PLA2G4E: variants seen among roughly 807,000 people sequenced by gnomAD.
PLA2G4E encodes cytosolic phospholipase A2 epsilon.
Under a neutral mutation model 109.1 loss-of-function variants are expected in PLA2G4E, and 84 were observed. The ratio of observed to expected loss-of-function variants is 0.77; its 90% CI spans 0.65 to 0.92. The LOEUF (loss-of-function observed/expected upper bound fraction) is 0.92, where lower values mean the gene tolerates loss of function less well. PLA2G4E is among the 40% of genes least tolerant of loss of function. PLA2G4E has a pLI of 0.00. For missense variants in PLA2G4E, 1,057 were observed against 1,076.6 expected, an observed-to-expected ratio of 0.98 and a Z score of 0.25; for synonymous variants, 469 against 436.1, an observed-to-expected ratio of 1.08 and a Z score of -0.94.
chr15:42,037,688 C>T (rs763893506), intron 1 of PLA2G4E, among the ~76,000 whole-genome samples: 2 of 152,214 alleles, frequency 1.3e-5, no homozygotes, highest in Non-Finnish European at 2.9e-5. Context: ...GAGCTGCGGC[C>T]CTTCAGGGAA....
In PLA2G4E at chr15:42,013,715, G is replaced by T. The variant is rs780660344; in HGVS notation, c.226C>A (p.Arg76=). 4 of 1,550,558 alleles carry T rather than the reference G, an allele frequency of 2.6e-6. No individual in the cohort carries two copies. The South Asian group carries it at 4.8e-5, about 18-fold the overall frequency. The change falls in exon 2 of 20, where the codon CGG becomes AGG. Residue 76 remains arginine, a synonymous_variant. Transcript: ENST00000399518. The stretch of plus-strand genomic sequence containing the variant: ...TCAGCCTGCCGGACATTTTTCATCC[G>T]GATGACCCTCACTGTCAACAGGTGG...
At chr15:42,025,471 T>A (rs1360348052) in intron 1 of PLA2G4E, among the ~76,000 whole-genome samples, 1 of 152,134 alleles carries the variant, frequency 6.6e-6, no homozygotes, top group African/African-American at 2.4e-5. Flanking sequence ...CATCTTCCTG[T>A]AGCTGCAGGC....
At chr15:41,982,791 G>A (rs1320333682) in exon 20 of PLA2G4E, 1 of 152,258 alleles carries the variant, frequency 6.6e-6, no homozygotes, top group African/African-American at 2.4e-5. Flanking sequence ...GGGCATGGCT[G>A]TCTGGTCATG....
chr15:42,003,608 G>T (rs893975047), intron 5 of PLA2G4E, among the ~76,000 whole-genome samples: 2 of 152,222 alleles, frequency 1.3e-5, no homozygotes, highest in Non-Finnish European at 2.9e-5. Context: ...AGTAAATAAC[G>T]TTGATTTTAA....
intron 12 of PLA2G4E, 97 bp from the exon 13 acceptor site, chr15:41,993,056 C>A: frequency 9.2e-7 from 1 of 1,084,622 alleles, no homozygotes; most frequent in Non-Finnish European, 1.3e-6. Flanking sequence ...CCATTGAGAA[C>A]CCTAACCTGC....
chr15:41,999,327 C>A (rs182381748), intron 10 of PLA2G4E, among the ~76,000 whole-genome samples, 197 bp downstream of exon 10: 146 of 152,198 alleles, frequency 9.6e-4, no homozygotes, highest in African/African-American at 3.2e-3. Flanking sequence ...TAAAAAAACA[C>A]AAATAACCCA....
intron 1 of PLA2G4E, among the ~76,000 whole-genome samples, chr15:42,026,784 C>T (rs1456556047): frequency 1.3e-5 from 2 of 151,906 alleles, no homozygotes; most frequent in African/African-American, 4.8e-5. Flanking sequence ...ACCAGCCTGG[C>T]CAACATGGTG....
intron 1 of PLA2G4E, among the ~76,000 whole-genome samples, chr15:42,019,662 T>TA (rs2068629338): frequency 6.6e-6 from 1 of 152,180 alleles, no homozygotes; most frequent in African/African-American, 2.4e-5. Flanking sequence ...GGCCCTCCTT[T>TA]AAGGAGACCA....
intron 1 of PLA2G4E, among the ~76,000 whole-genome samples, chr15:42,026,755 T>C (rs570555784): frequency 6.6e-6 from 1 of 152,120 alleles, no homozygotes; most frequent in South Asian, 2.1e-4. Flanking sequence ...GGAGGATCAT[T>C]TGAGGTCAGG....
At chr15:42,033,569 A>G (rs1432231843) in intron 1 of PLA2G4E, among the ~76,000 whole-genome samples, 1 of 67,888 alleles carries the variant, frequency 1.5e-5, no homozygotes, top group Non-Finnish European at 2.7e-5. Context: ...ATTGGGGCAA[A>G]GGACATCCTG....
intron 12 of PLA2G4E, among the ~76,000 whole-genome samples, chr15:41,994,029 C>A (rs2068295747): frequency 6.6e-6 from 1 of 152,002 alleles, no homozygotes; most frequent in Non-Finnish European, 1.5e-5. Context: ...CTGCTGGAAG[C>A]AAGTTACCTT....
chr15:41,997,233 C>T, exon 11 of PLA2G4E: 1 of 1,549,234 alleles, frequency 6.5e-7, no homozygotes, highest in African/African-American at 1.4e-5. Context: ...CAGGCTGAAG[C>T]CCAGCCGCAC....
chr15:42,000,408 A>G, intron 7 of PLA2G4E, 126 bp from the exon 8 acceptor site: 1 of 885,974 alleles, frequency 1.1e-6, no homozygotes, highest in Non-Finnish European at 1.7e-6. Flanking sequence ...CACCAGTTCA[A>G]ATTCCCCAGA....
At chr15:41,999,190 G>T in intron 10 of PLA2G4E, 1 of 207,260 alleles carries the variant, frequency 4.8e-6, no homozygotes, top group Non-Finnish European at 9.6e-6. Context: ...AAAGTCCTTT[G>T]TGCTTCAAAG....
At chr15:42,050,544 G>C in exon 1 of PLA2G4E, 1 of 1,550,590 alleles carries the variant, frequency 6.4e-7, no homozygotes, top group Non-Finnish European at 8.7e-7. Context: ...GGAGCCATAG[G>C]ACAGAAAGGT....
At chr15:42,005,112 G>A in intron 4 of PLA2G4E, 134 bp from the exon 5 acceptor site, 1 of 1,049,486 alleles carries the variant, frequency 9.5e-7, no homozygotes, top group Non-Finnish European at 1.4e-6. Context: ...GCCATGGAGT[G>A]TGCTTGTGGT....
chr15:42,028,494 C>T (rs60149335), intron 1 of PLA2G4E, among the ~76,000 whole-genome samples: 4,932 of 152,098 alleles, frequency 0.032, 257 homozygotes, highest in African/African-American at 0.11. Flanking sequence ...GCAACCTCCA[C>T]CTCCTGGCTT....
At chr15:42,010,064 G>A in intron 2 of PLA2G4E, 1 of 488,976 alleles carries the variant, frequency 2.0e-6, no homozygotes, top group Non-Finnish European at 4.1e-6. Context: ...TTGCTCTGCT[G>A]ATAGGGAGAC....
chr15:42,015,716 C>T (rs1439426948), intron 1 of PLA2G4E, among the ~76,000 whole-genome samples: 1 of 152,232 alleles, frequency 6.6e-6, no homozygotes, highest in Non-Finnish European at 1.5e-5. Flanking sequence ...GCTTTCCAGG[C>T]TTGGGGCCTC....
Sources: allele counts gnomAD v4.1 joint callset (sites outside exome capture counted in the v4.1 genomes callset), GRCh38; gene constraint gnomAD v4.1.1; transcripts MANE v1.5; gene names NCBI Gene and HGNC (gene_info 2026-07-23, HGNC 2026-07-21).